The following RSPO3 variants were observed in gnomAD, a reference collection of about 807,000 sequenced individuals.
RSPO3 encodes the protein R-spondin-3.
RSPO3 carries 17 observed loss-of-function variants against 36.5 expected under a neutral mutation model. The ratio of observed to expected loss-of-function variants is 0.47; its 90% CI spans 0.32 to 0.70. The LOEUF is 0.70. Ranked by LOEUF, RSPO3 falls within the 30% of genes least tolerant of loss-of-function variation. RSPO3 has a pLI of 0.04. For missense variants in RSPO3, 294 were observed against 322.5 expected, an observed-to-expected ratio of 0.91 and a Z score of 0.68; for synonymous variants, 108 against 107.0, an observed-to-expected ratio of 1.01 and a Z score of -0.06.
In RSPO3 at chr6:127,199,047, T is replaced by C. The variant is rs1315826049; in HGVS notation, c.*3040T>C. Among the ~76,000 whole-genome samples, 1 of 152,196 alleles carries C rather than the reference T, an allele frequency of 6.6e-6. No homozygotes were observed. On this transcript the variant is annotated 3_prime_UTR_variant, in exon 5 of 5. Coordinates refer to ENST00000356698, the MANE Select transcript of RSPO3 (RefSeq NM_032784.5). ...ATATAAATACAGCTAAAAACAAGAA[T>C]AGATATTCATTCTCACAAAGGGAGA... is the stretch of plus-strand genomic sequence containing the variant.
intron 1 of RSPO3, among the ~76,000 whole-genome samples, chr6:127,136,915 T>C (rs996883636): frequency 1.3e-5 from 2 of 152,136 alleles, no homozygotes; most frequent in African/African-American, 2.4e-5. Context: ...TAACGTCCTG[T>C]CCCATTTGAA....
At chr6:127,146,035 G>C (rs187528342) in intron 1 of RSPO3, among the ~76,000 whole-genome samples, 27 of 152,174 alleles carry the variant, frequency 1.8e-4, no homozygotes, top group African/African-American at 6.3e-4. Flanking sequence ...CAAGAAAGCT[G>C]TCACTACACT....
At chr6:127,127,599 C>G (rs547748247) in intron 1 of RSPO3, among the ~76,000 whole-genome samples, 19 of 152,020 alleles carry the variant, frequency 1.2e-4, no homozygotes, top group African/African-American at 4.6e-4. Context: ...GATCTTCATA[C>G]CCACCTGTAA....
Position 127,198,154 on chromosome 6 carries a change from A to G in RSPO3, c.*2147A>G, listed in dbSNP as rs1775552801. On this transcript the variant is annotated 3_prime_UTR_variant, in exon 5 of 5. Coordinates refer to ENST00000356698, the MANE Select transcript of RSPO3 (RefSeq NM_032784.5). Reference sequence around the variant, plus strand: ...GACATGACAATGGTGGCAAATGACTATCAGGTCTTCCCATGTGTTTGACTC... The same window carrying G: ...GACATGACAATGGTGGCAAATGACTGTCAGGTCTTCCCATGTGTTTGACTC... 6.6e-6 allele frequency among the ~76,000 whole-genome samples: 1 copy of G among 152,256 alleles called. No homozygotes were observed. The highest frequency in any genetic ancestry group is 2.4e-5 in the African/African-American group (1 of 41,476).
intron 2 of RSPO3, 86 bp from the exon 3 acceptor site, chr6:127,150,340 G>A (rs746972405): frequency 3.0e-5 from 39 of 1,289,072 alleles, no homozygotes; most frequent in East Asian, 2.7e-4. Flanking sequence ...CTAAAGTTGT[G>A]TGTGGCTGTG....
chr6:127,190,385 G>A lies in RSPO3; in HGVS notation c.635-5438G>A, dbSNP rs139703703. ...AGAGGTTGCAGTGAGCCAGGACTGC[G>A]CCATTGCAGTACAGCATGGGCAAAA... On this transcript the variant is annotated intron_variant, in intron 4 of 4. Coordinates refer to ENST00000356698, the MANE Select transcript of RSPO3 (RefSeq NM_032784.5). Among the ~76,000 whole-genome samples, 841 of 152,212 alleles carry A rather than the reference G, an allele frequency of 5.5e-3. 9 individuals are homozygous for A. The highest frequency in any genetic ancestry group is 0.02 in the African/African-American group (811 of 41,542).
chr6:127,156,955 T>A (rs928623732), intron 4 of RSPO3, among the ~76,000 whole-genome samples: 1 of 152,170 alleles, frequency 6.6e-6, no homozygotes, highest in African/African-American at 2.4e-5. Flanking sequence ...GTTTCTGCCA[T>A]TCTAATCAAG....
chr6:127,175,101 CAA>C (rs1455714814), intron 4 of RSPO3, among the ~76,000 whole-genome samples: 2 of 151,754 alleles, frequency 1.3e-5, no homozygotes, highest in East Asian at 3.9e-4. Flanking sequence ...CCCAGCTTAT[CAA>C]AAGCTTTCAA....
chr6:127,175,922 T>G (rs1019436827), intron 4 of RSPO3, among the ~76,000 whole-genome samples: 4 of 151,790 alleles, frequency 2.6e-5, no homozygotes, highest in African/African-American at 9.7e-5. Flanking sequence ...AGATTCATCT[T>G]AAATTGTTTT....
intron 4 of RSPO3, among the ~76,000 whole-genome samples, chr6:127,155,903 C>A (rs1486805934): frequency 1.3e-5 from 2 of 150,758 alleles, no homozygotes; most frequent in Non-Finnish European, 2.9e-5. Context: ...CACACACACA[C>A]ACATATATAT....
At chr6:127,190,828 A>ATGTTTG (rs1394018598) in intron 4 of RSPO3, among the ~76,000 whole-genome samples, 3 of 152,204 alleles carry the variant, frequency 2.0e-5, no homozygotes, top group African/African-American at 7.2e-5. Context: ...ACCTATAGAC[A>ATGTTTG]GATTTTATCC....
Position 127,137,063 on chromosome 6 carries a change from T to C in RSPO3, c.98-11585T>C, listed in dbSNP as rs561320133. 2.0e-4 allele frequency among the ~76,000 whole-genome samples: 31 copies of C among 152,182 alleles called. 1 individual carries two copies. The South Asian group carries it at 6.2e-3, about 31-fold the overall frequency. The stretch of plus-strand genomic sequence containing the variant: ...TGGTAGTAGAACTTTCTGAGAGAAA[T>C]GGTTGAGTTTTGATATAATGGGATG... On this transcript the variant is annotated intron_variant, in intron 1 of 4. Coordinates refer to ENST00000356698, the MANE Select transcript of RSPO3 (RefSeq NM_032784.5).
At chr6:127,157,410 A>T (rs1225781056) in intron 4 of RSPO3, among the ~76,000 whole-genome samples, 2 of 149,494 alleles carry the variant, frequency 1.3e-5, no homozygotes, top group East Asian at 3.9e-4. Context: ...GTGATCTTTC[A>T]ATAGATTATA....
At chr6:127,143,010 G>A (rs1774310794) in intron 1 of RSPO3, among the ~76,000 whole-genome samples, 1 of 151,278 alleles carries the variant, frequency 6.6e-6, no homozygotes, top group Non-Finnish European at 1.5e-5. Context: ...GTAGAAACAG[G>A]GTTTTGCTGT....
At chr6:127,156,219 A>T (rs1774595833) in intron 4 of RSPO3, among the ~76,000 whole-genome samples, 1 of 152,100 alleles carries the variant, frequency 6.6e-6, no homozygotes, top group Non-Finnish European at 1.5e-5. Flanking sequence ...ATATCTTTTC[A>T]TATTGATTTC....
At chr6:127,140,799 G>T (rs2114566572) in intron 1 of RSPO3, among the ~76,000 whole-genome samples, 1 of 152,216 alleles carries the variant, frequency 6.6e-6, no homozygotes, top group Non-Finnish European at 1.5e-5. Flanking sequence ...CAGCCTCATT[G>T]GTACCTGTCA....
At chr6:127,131,691 A>G (rs1056873951) in intron 1 of RSPO3, among the ~76,000 whole-genome samples, 1 of 152,140 alleles carries the variant, frequency 6.6e-6, no homozygotes, top group Non-Finnish European at 1.5e-5. Context: ...TTTATAAAAC[A>G]GTGCTGCATT....
chr6:127,184,157 G>A (rs777994065), intron 4 of RSPO3, among the ~76,000 whole-genome samples: 1 of 151,840 alleles, frequency 6.6e-6, no homozygotes, highest in African/African-American at 2.4e-5. Flanking sequence ...GTAAGATTTG[G>A]GTAGGGAAGC....
chr6:127,143,302 A>C (rs961063451), intron 1 of RSPO3, among the ~76,000 whole-genome samples: 14 of 152,098 alleles, frequency 9.2e-5, no homozygotes, highest in Admixed American at 9.2e-4. Flanking sequence ...GGAAGCGTAC[A>C]GTCAATGTGA....
Sources: gnomAD v4.1 joint callset for allele counts (sites outside exome capture counted in the v4.1 genomes callset) on GRCh38, gnomAD v4.1.1 for gene constraint, MANE v1.5 for transcripts, NCBI Gene and HGNC (gene_info 2026-07-23, HGNC 2026-07-21) for gene names.